Variants in NR3C2 observed in about 807,000 individuals in gnomAD.
The protein encoded by NR3C2 is mineralocorticoid receptor.
Under a neutral mutation model 86.4 loss-of-function variants are expected in NR3C2, and 15 were observed. That is an observed-to-expected ratio of 0.17 (90% CI 0.12 to 0.27). The LOEUF (loss-of-function observed/expected upper bound fraction) is 0.27. Among genes scored for constraint, NR3C2 ranks in the 10% least tolerant of loss-of-function variants. NR3C2 has a pLI of 1.00. For synonymous variants in NR3C2, 458 were observed against 450.5 expected, an observed-to-expected ratio of 1.02 and a Z score of -0.21; for missense variants, 960 against 1,195.6, an observed-to-expected ratio of 0.80 and a Z score of 2.91.
At chr4:148,367,932 A>T (rs1228836999) in intron 2 of NR3C2, among the ~76,000 whole-genome samples, 1 of 150,944 alleles carries the variant, frequency 6.6e-6, no homozygotes, top group Admixed American at 6.6e-5. Flanking sequence ...TTTCACCCAG[A>T]GAGGCACCAG....
chr4:148,334,056 T>C (rs957339682), intron 2 of NR3C2, among the ~76,000 whole-genome samples: 4 of 152,106 alleles, frequency 2.6e-5, no homozygotes, highest in African/African-American at 9.7e-5. Flanking sequence ...TGACAGACAA[T>C]AAGGTGGACT....
intron 2 of NR3C2, among the ~76,000 whole-genome samples, chr4:148,339,689 T>A (rs1256313414): frequency 6.6e-6 from 1 of 152,178 alleles, no homozygotes; most frequent in East Asian, 1.9e-4. Context: ...GTCCTTTCAC[T>A]GTAAGTCCTA....
chr4:148,436,720 G>A lies in NR3C2; in HGVS notation c.141C>T (p.Asn47=), dbSNP rs747152467. 2.0e-5 allele frequency: 33 copies of A among 1,614,008 alleles called. No individual in the cohort carries two copies. Among genetic ancestry groups the A allele is most frequent in the South Asian group, 7.7e-5 (7 of 91,080 alleles). The part of the protein sequence containing the change: ...TDENNYMEIV[N]VSCVSGAIPN... ...GAATAGCACCGGAAACACAGCTTAC[G>A]TTGACAATCTCCATGTAGTTATTCT... The change falls in exon 2 of 9, where the codon AAC becomes AAT. Residue 47 remains asparagine (N), a synonymous_variant. Coordinates refer to ENST00000358102, the MANE Select transcript of NR3C2 (RefSeq NM_000901.5).
chr4:148,320,019 T>C (rs1021870441), intron 2 of NR3C2, among the ~76,000 whole-genome samples: 4 of 147,698 alleles, frequency 2.7e-5, no homozygotes, highest in Non-Finnish European at 4.4e-5. Flanking sequence ...TGGGTTTTCA[T>C]AGATAGCTCC....
intron 2 of NR3C2, among the ~76,000 whole-genome samples, chr4:148,288,462 G>C (rs1741639418): frequency 2.0e-5 from 3 of 152,206 alleles, no homozygotes. Flanking sequence ...TGTCATTCTA[G>C]TAAAAATAAC....
At chr4:148,086,168 A>C (rs1372663773) in intron 8 of NR3C2, among the ~76,000 whole-genome samples, 2 of 152,234 alleles carry the variant, frequency 1.3e-5, no homozygotes, top group South Asian at 4.1e-4. Context: ...TTGCAGAGAC[A>C]CAACAAAAAA....
intron 2 of NR3C2, among the ~76,000 whole-genome samples, chr4:148,400,480 C>T (rs542229391): frequency 6.6e-6 from 1 of 152,008 alleles, no homozygotes; most frequent in African/African-American, 2.4e-5. Context: ...AGAGAGTTTA[C>T]ATTATTTTTA....
At chr4:148,202,529 C>T (rs910101419) in intron 3 of NR3C2, among the ~76,000 whole-genome samples, 1 of 152,196 alleles carries the variant, frequency 6.6e-6, no homozygotes, top group African/African-American at 2.4e-5. Context: ...GCCCTTTTGG[C>T]TCTTATCACT....
intron 2 of NR3C2, among the ~76,000 whole-genome samples, chr4:148,358,893 T>A (rs1294912816): frequency 6.6e-6 from 1 of 152,108 alleles, no homozygotes; most frequent in East Asian, 1.9e-4. Flanking sequence ...CCAAGTTTGA[T>A]CTTAGAAAAA....
At chr4:148,184,791 C>A (rs1735816019) in intron 4 of NR3C2, among the ~76,000 whole-genome samples, 1 of 152,116 alleles carries the variant, frequency 6.6e-6, no homozygotes, top group Non-Finnish European at 1.5e-5. Flanking sequence ...TCACATACTA[C>A]AGAGGGTAAT....
intron 3 of NR3C2, among the ~76,000 whole-genome samples, chr4:148,205,723 T>A (rs1289928596): frequency 6.6e-6 from 1 of 152,134 alleles, no homozygotes; most frequent in South Asian, 2.1e-4. Context: ...GGCACATGAA[T>A]AAGTGCTAAG....
At chr4:148,126,935 T>C (rs61764560) in intron 6 of NR3C2, among the ~76,000 whole-genome samples, 74 of 152,284 alleles carry the variant, frequency 4.9e-4, no homozygotes, top group Non-Finnish European at 8.2e-4. Context: ...ACTCAGGCCT[T>C]CTCCTTTCTC....
At chr4:148,276,196 A>C (rs1300658147) in intron 2 of NR3C2, among the ~76,000 whole-genome samples, 1 of 152,154 alleles carries the variant, frequency 6.6e-6, no homozygotes, top group Non-Finnish European at 1.5e-5. Context: ...TAGGAGAAGG[A>C]AGGCACGTGC....
chr4:148,191,656 T>G (rs1736200405), intron 4 of NR3C2, among the ~76,000 whole-genome samples: 1 of 152,244 alleles, frequency 6.6e-6, no homozygotes. Context: ...AATCCCAGAC[T>G]TCCTGGAGGT....
At chr4:148,175,761 G>C (rs1735345786) in intron 4 of NR3C2, among the ~76,000 whole-genome samples, 1 of 152,066 alleles carries the variant, frequency 6.6e-6, no homozygotes, top group African/African-American at 2.4e-5. Flanking sequence ...TTGTGAATTA[G>C]TCTAATTTTA....
At chr4:148,132,362 G>C (rs955442499) in intron 6 of NR3C2, among the ~76,000 whole-genome samples, 1 of 152,150 alleles carries the variant, frequency 6.6e-6, no homozygotes, top group Admixed American at 6.5e-5. Flanking sequence ...AGGCACATCT[G>C]TCTCTGAGAT....
rs745982974 is a variant in NR3C2, at chr4:148,166,207, G to A, written c.2015-11306C>T. ...AGATAAAGCAGAGCCAAACAAAATC[G>A]CCTTTTTTGAATAAGTGATTATCTT... On this transcript the variant is annotated intron_variant, in intron 4 of 8. Coordinates refer to ENST00000358102, the MANE Select transcript of NR3C2 (RefSeq NM_000901.5). 1.4e-4 allele frequency among the ~76,000 whole-genome samples: 22 copies of A among 152,292 alleles called. No homozygotes were observed. In the East Asian group the frequency reaches 2.9e-3, roughly 20 times the overall value.
At chr4:148,132,886 T>C (rs775166785) in intron 6 of NR3C2, among the ~76,000 whole-genome samples, 9 of 152,086 alleles carry the variant, frequency 5.9e-5, no homozygotes, top group Non-Finnish European at 1.2e-4. Context: ...GCTACACCCA[T>C]AGAAAGAATA....
intron 7 of NR3C2, among the ~76,000 whole-genome samples, chr4:148,119,905 A>C (rs1411016390): frequency 6.6e-6 from 1 of 152,182 alleles, no homozygotes. Flanking sequence ...CACATAACAG[A>C]TACTTTATAA....
Sources: allele counts gnomAD v4.1 joint callset (sites outside exome capture counted in the v4.1 genomes callset), GRCh38; gene constraint gnomAD v4.1.1; transcripts MANE v1.5; gene names NCBI Gene and HGNC (gene_info 2026-07-23, HGNC 2026-07-21).